Variants in LRP1B observed in about 807,000 individuals in gnomAD.
The protein encoded by LRP1B is LDL receptor related protein 1B.
Under a neutral mutation model 556.6 loss-of-function variants are expected in LRP1B, and 217 were observed. That is an observed-to-expected ratio of 0.39 (90% CI 0.35 to 0.44). The LOEUF is 0.44. Ranked by LOEUF, LRP1B falls within the 20% of genes least tolerant of loss-of-function variation. The pLI, the probability that LRP1B is intolerant of heterozygous loss-of-function variation, is 1.00. For missense variants in LRP1B, 5,053 were observed against 5,620.8 expected, an observed-to-expected ratio of 0.90 and a Z score of 3.23; for synonymous variants, 2,047 against 1,865.8, an observed-to-expected ratio of 1.10 and a Z score of -2.50.
intron 35 of LRP1B, among the ~76,000 whole-genome samples, chr2:140,757,914 G>A (rs546796180): frequency 2.0e-5 from 3 of 152,096 alleles, no homozygotes; most frequent in Admixed American, 2.0e-4. Context: ...GGGAAAAGTG[G>A]TTGACTTGAG....
intron 1 of LRP1B, among the ~76,000 whole-genome samples, chr2:141,907,033 A>T (rs985801794): frequency 1.3e-5 from 2 of 151,998 alleles, no homozygotes; most frequent in African/African-American, 4.8e-5. Flanking sequence ...GGATGTGTGC[A>T]GTTCAACAGG....
At chr2:140,842,823 T>A (rs1034215168) in intron 29 of LRP1B, among the ~76,000 whole-genome samples, 3 of 152,120 alleles carry the variant, frequency 2.0e-5, no homozygotes, top group Admixed American at 2.0e-4. Flanking sequence ...TCAAGTCACT[T>A]AAATGTCTTT....
At chr2:141,261,694 A>T (rs1407786251) in intron 3 of LRP1B, among the ~76,000 whole-genome samples, 1 of 151,966 alleles carries the variant, frequency 6.6e-6, no homozygotes, top group Non-Finnish European at 1.5e-5. Flanking sequence ...TAGGTAGTTC[A>T]TCTATATTAT....
At chr2:140,882,839 C>G (rs1693515788) in intron 25 of LRP1B, among the ~76,000 whole-genome samples, 1 of 152,166 alleles carries the variant, frequency 6.6e-6, no homozygotes, top group South Asian at 2.1e-4. Flanking sequence ...TGGAGCTCCT[C>G]TCTCATTGAA....
Position 140,475,266 on chromosome 2 carries a change from C to T in LRP1B, c.9497G>A (p.Ser3166Asn). Residue 3166 changes from serine to asparagine, a missense_variant, in exon 60 of 91, where the codon AGT (serine) becomes AAT (asparagine). This residue lies in a region of LRP1B where 3,619 missense variants were observed against 3,931.9 expected (regional missense o/e 0.92). Transcript: ENST00000389484. ...AGAAATCTTGGTTTCTATGACAACA[C>T]TCTGATTGGTTCCATCCATTCCAAC... The part of the protein sequence containing the change: ...GRVGMDGTNQ[S>N]VVIETKISRP... 2 of 1,612,166 alleles carry T rather than the reference C, an allele frequency of 1.2e-6. No individual in the cohort carries two copies. The highest frequency in any genetic ancestry group is 1.7e-6 in the Non-Finnish European group (2 of 1,178,792).
At chr2:141,162,757 G>T (rs1220615386) in intron 7 of LRP1B, among the ~76,000 whole-genome samples, 2 of 152,060 alleles carry the variant, frequency 1.3e-5, no homozygotes, top group Non-Finnish European at 2.9e-5. Flanking sequence ...TTTGTAAACA[G>T]TGCTTTCATA....
chr2:140,824,872 T>C (rs905506520), intron 31 of LRP1B, among the ~76,000 whole-genome samples: 3 of 152,118 alleles, frequency 2.0e-5, no homozygotes, highest in African/African-American at 7.2e-5. Flanking sequence ...CTGTAGAGAC[T>C]CTTGCTATAG....
chr2:140,881,758 C>T (rs1222731615), intron 25 of LRP1B, among the ~76,000 whole-genome samples: 8 of 152,144 alleles, frequency 5.3e-5, no homozygotes, highest in African/African-American at 1.7e-4. Context: ...TTGACTTTCC[C>T]CTACTTTCAG....
chr2:140,301,550 T>C (rs910640008), intron 83 of LRP1B, among the ~76,000 whole-genome samples: 5 of 152,094 alleles, frequency 3.3e-5, no homozygotes, highest in Non-Finnish European at 7.4e-5. Context: ...TATTCAATCA[T>C]AAAAATCACA....
At chr2:141,792,299 A>G (rs961943408) in intron 2 of LRP1B, among the ~76,000 whole-genome samples, 7 of 152,010 alleles carry the variant, frequency 4.6e-5, no homozygotes, top group African/African-American at 1.7e-4. Context: ...TCAGACCCAT[A>G]CTTTTGACAT....
chr2:140,518,319 C>A (rs1233582709), intron 49 of LRP1B, among the ~76,000 whole-genome samples: 1 of 152,086 alleles, frequency 6.6e-6, no homozygotes, highest in African/African-American at 2.4e-5. Flanking sequence ...TGACCCATTG[C>A]TGGCTTCCTG....
chr2:141,344,599 C>T (rs189521727), intron 3 of LRP1B, among the ~76,000 whole-genome samples: 21 of 152,116 alleles, frequency 1.4e-4, no homozygotes, highest in Non-Finnish European at 1.5e-5. Context: ...TTTATTTTTT[C>T]TTCTCAGCAC....
intron 32 of LRP1B, among the ~76,000 whole-genome samples, chr2:140,807,827 T>A (rs1690774602): frequency 6.6e-6 from 1 of 152,124 alleles, no homozygotes; most frequent in African/African-American, 2.4e-5. Context: ...ACTGACAAGA[T>A]CATCTTTAAA....
intron 7 of LRP1B, among the ~76,000 whole-genome samples, chr2:141,090,007 A>G (rs1200193797): frequency 6.6e-6 from 1 of 152,210 alleles, no homozygotes; most frequent in Non-Finnish European, 1.5e-5. Context: ...GATACAAATT[A>G]GGTGCCCAAG....
At chr2:140,774,028 A>T (rs1042670037) in intron 33 of LRP1B, among the ~76,000 whole-genome samples, 3 of 152,140 alleles carry the variant, frequency 2.0e-5, no homozygotes, top group Non-Finnish European at 4.4e-5. Context: ...TCAACTCTCC[A>T]GTGATCTTTG....
intron 2 of LRP1B, among the ~76,000 whole-genome samples, chr2:141,639,127 C>T (rs1433171034): frequency 4.5e-5 from 6 of 132,370 alleles, no homozygotes; most frequent in African/African-American, 1.1e-4. Flanking sequence ...CATTGTCAGT[C>T]GAGGCCACAA....
At chr2:141,355,772 A>C (rs1688605798) in intron 3 of LRP1B, among the ~76,000 whole-genome samples, 1 of 151,702 alleles carries the variant, frequency 6.6e-6, no homozygotes, top group African/African-American at 2.4e-5. Context: ...ATTTTACCTG[A>C]ATTGGTAATT....
At chr2:141,409,192 G>A (rs1274523384) in intron 3 of LRP1B, among the ~76,000 whole-genome samples, 1 of 152,134 alleles carries the variant, frequency 6.6e-6, no homozygotes. Context: ...CAATAGTCTT[G>A]ACACACGTTA....
At chr2:140,579,870 G>C (rs1217556202) in intron 43 of LRP1B, among the ~76,000 whole-genome samples, 3 of 152,020 alleles carry the variant, frequency 2.0e-5, no homozygotes, top group African/African-American at 4.8e-5. Context: ...AAAATAAAAA[G>C]GTTAGGGTAA....
Sources: gnomAD v4.1 joint callset for allele counts (sites outside exome capture counted in the v4.1 genomes callset) on GRCh38, gnomAD v4.1.1 for gene constraint, gnomAD v4.1.1 regional missense constraint, MANE v1.5 for transcripts, NCBI Gene and HGNC (gene_info 2026-07-23, HGNC 2026-07-21) for gene names.